Variants in ZNF160 observed in about 807,000 individuals in gnomAD.
ZNF160 encodes KRAB zinc finger protein KR18.
In ZNF160, 9 loss-of-function variants were observed where a neutral mutation model predicts 13.1. That is an observed-to-expected ratio of 0.69 (90% CI 0.41 to 1.20). ZNF160 has a LOEUF of 1.20. ZNF160 is among the 50% of genes most tolerant of loss of function. The pLI, the probability that ZNF160 is intolerant of heterozygous loss-of-function variation, is 0.01. For missense variants in ZNF160, 838 were observed against 988.0 expected (o/e 0.85, Z 2.04); for synonymous variants, 293 against 333.2 (o/e 0.88, Z 1.31).
Position 53,068,457 on chromosome 19 carries a change from C to T in ZNF160, c.2077G>A (p.Ala693Thr), listed in dbSNP as rs781149549. Residue 693 changes from alanine (A) to threonine (T), a missense_variant, in exon 6 of 6, where the codon GCA (alanine) becomes ACA (threonine). By Grantham distance (58) the Ala-to-Thr change is moderately conservative (BLOSUM62 0). Coordinates refer to ENST00000683776, the MANE Select transcript of ZNF160 (RefSeq NM_001322131.2). ...GKVFTQNSHL[A>T]NHQRTHTGEK... is the part of the protein sequence containing the mutation. ...CCGGTGTGAGTCCTTTGATGATTTG[C>T]AAGGTGTGAGTTCTGAGTGAAGACC... 1.9e-6 allele frequency: 3 copies of T among 1,613,770 alleles called. No individual in the cohort carries two copies. In the South Asian group the frequency reaches 3.3e-5, roughly 18 times the overall value.
At chr19:53,083,481 A>G (rs1456883978) in intron 3 of ZNF160, among the ~76,000 whole-genome samples, 1 of 152,256 alleles carries the variant, frequency 6.6e-6, no homozygotes, top group Non-Finnish European at 1.5e-5. Flanking sequence ...ATACCATTTC[A>G]TTTCGTTAAG....
chr19:53,096,595 T>A (rs1271311847), intron 1 of ZNF160, among the ~76,000 whole-genome samples: 1 of 143,180 alleles, frequency 7.0e-6, no homozygotes, highest in Non-Finnish European at 1.5e-5. Flanking sequence ...ATTTCTCACT[T>A]GGCAATGATG....
At chr19:53,088,354 G>T (rs1229716696) in intron 2 of ZNF160, among the ~76,000 whole-genome samples, 1 of 152,060 alleles carries the variant, frequency 6.6e-6, no homozygotes, top group Non-Finnish European at 1.5e-5. Flanking sequence ...CTAGATTCAA[G>T]CAACAATTCA....
intron 4 of ZNF160, among the ~76,000 whole-genome samples, chr19:53,074,669 C>CA (rs55829838): frequency 0.18 from 22,011 of 123,358 alleles, 2,221 homozygotes; most frequent in Non-Finnish European, 0.21. Context: ...GACTCCGCCT[C>CA]AAAAAAAAAA....
intron 3 of ZNF160, among the ~76,000 whole-genome samples, chr19:53,083,902 AGT>A (rs1411302753): frequency 1.3e-5 from 2 of 152,150 alleles, no homozygotes; most frequent in African/African-American, 4.8e-5. Context: ...AGAAAAAGGG[AGT>A]GAGTTATTAT....
At chr19:53,093,641 T>C (rs971515409) in intron 1 of ZNF160, 4 of 152,018 alleles carry the variant, frequency 2.6e-5, no homozygotes, top group African/African-American at 9.7e-5. Flanking sequence ...ACCCCATCTA[T>C]ACAAAAAAAT....
At chr19:53,072,387 T>C (rs546041325) in intron 5 of ZNF160, among the ~76,000 whole-genome samples, 2 of 152,302 alleles carry the variant, frequency 1.3e-5, no homozygotes, top group African/African-American at 2.4e-5. Context: ...GGCGTGAGCC[T>C]CTATACCTGG....
rs1600872833 is a variant in ZNF160, at chr19:53,086,414, C to T, written c.-45-93G>A. On this transcript the variant is annotated intron_variant, in intron 2 of 5. Coordinates refer to ENST00000683776, the MANE Select transcript of ZNF160 (RefSeq NM_001322131.2). ...GAATCTATACATCCCCTTCATGTGC[C>T]ACAGTCACACGCACAGATCTCACCC... The T allele has an allele frequency of 2.7e-6, 3 of 1,125,508 alleles. No individual in the cohort carries two copies. In the East Asian group the frequency reaches 7.5e-5, roughly 28 times the overall value. 69.7% of individuals were successfully genotyped at this position (1,125,508 alleles called of 1,614,324 possible). A position where few individuals can be genotyped will look rare whatever the true frequency, so the allele number is the denominator to read the frequency against.
chr19:53,091,553 A>G lies in ZNF160; in HGVS notation c.-186T>C, dbSNP rs3745178. ...GCCTGAGGGATGAAGTGGGCGGGGG[A>G]CTTGGGGAAAGGGGGCGGTGCCTGC... On this transcript the variant is annotated 5_prime_UTR_variant, in exon 2 of 6. Coordinates refer to ENST00000683776, the MANE Select transcript of ZNF160 (RefSeq NM_001322131.2). The G allele has an allele frequency of 0.35, 52,878 of 151,442 alleles. 9,520 individuals carry two copies. Among genetic ancestry groups the G allele is most frequent in the African/African-American group, 0.39 (15,952 of 41,230 alleles). The allele number at this position is 151,442 out of a possible 1,614,324, so 9.4% of individuals were successfully genotyped here.
Position 53,069,473 on chromosome 19 carries a change from G to C in ZNF160, c.1061C>G (p.Ser354Ter), listed in dbSNP as rs1296509391. The change falls in exon 6 of 6, where the codon TCA becomes TGA. Residue 354 changes from serine (S) to a stop codon, truncating the protein, a stop_gained. Transcript: ENST00000683776. LOFTEE classifies it low-confidence loss of function (END_TRUNC). The surrounding 1 kb of genome is among the most constrained non-coding windows in gnomAD (Gnocchi z 4.4). ...AATTAACTGATGGGTAGTTAGGTTT[G>C]AATGTCCTCTAAAGGCTTTTCCACA... ...NECGKAFRGH[S>*]NLTTHQLIHT... 1 of 1,614,004 alleles carries C rather than the reference G, an allele frequency of 6.2e-7. No homozygotes were observed. Among genetic ancestry groups the C allele is most frequent in the Non-Finnish European group, 8.5e-7 (1 of 1,180,044 alleles).
At chr19:53,083,028 A>G (rs1228311700) in intron 3 of ZNF160, among the ~76,000 whole-genome samples, 1 of 152,232 alleles carries the variant, frequency 6.6e-6, no homozygotes, top group African/African-American at 2.4e-5. Flanking sequence ...ATACATATGA[A>G]GAGATGCATA....
intron 3 of ZNF160, among the ~76,000 whole-genome samples, chr19:53,084,301 G>A (rs1319825179): frequency 1.3e-5 from 2 of 152,208 alleles, no homozygotes; most frequent in South Asian, 2.1e-4. Context: ...TGCCAAGCCC[G>A]CCTTTTAAAA....
At chr19:53,089,816 GCT>G (rs1568498847) in intron 2 of ZNF160, among the ~76,000 whole-genome samples, 1 of 151,366 alleles carries the variant, frequency 6.6e-6, no homozygotes, top group Non-Finnish European at 1.5e-5. Flanking sequence ...TCCCTCCCTG[GCT>G]CTTTTTTTCC....
intron 3 of ZNF160, among the ~76,000 whole-genome samples, chr19:53,081,903 T>C (rs1474559874): frequency 6.6e-6 from 1 of 152,170 alleles, no homozygotes; most frequent in East Asian, 1.9e-4. Context: ...AAAGAAAATA[T>C]AGTAGACATA....
Position 53,100,471 on chromosome 19 carries a change from G to A in ZNF160, c.-354+2794C>T, listed in dbSNP as rs1271889329. On this transcript the variant is annotated intron_variant, in intron 1 of 5. Coordinates refer to ENST00000683776, the MANE Select transcript of ZNF160 (RefSeq NM_001322131.2). ...TAAAAATACAAAAAATTTGCCGGGC[G>A]TGGTGGCGGCTGCCTGTAGTCCCAA... Among the ~76,000 whole-genome samples the A allele has an allele frequency of 5.3e-5, 8 of 152,096 alleles. 1 individual carries two copies. Among genetic ancestry groups the A allele is most frequent in the Admixed American group, 3.3e-4 (5 of 15,268 alleles).
At chr19:53,082,280 A>T (rs1036164732) in intron 3 of ZNF160, among the ~76,000 whole-genome samples, 3 of 152,216 alleles carry the variant, frequency 2.0e-5, no homozygotes, top group African/African-American at 7.2e-5. Context: ...TTTAAAATGA[A>T]TCAAATAAAA....
At chr19:53,095,027 T>G (rs527910921) in intron 1 of ZNF160, among the ~76,000 whole-genome samples, 2 of 142,572 alleles carry the variant, frequency 1.4e-5, no homozygotes, top group Admixed American at 1.4e-4. Flanking sequence ...CCAGGGCGAC[T>G]TTTACCCTTC....
In ZNF160 at chr19:53,071,539, C is replaced by CAA. The variant is rs56799856; in HGVS notation, c.272-1279_272-1278dup. On this transcript the variant is annotated intron_variant, in intron 5 of 5. Coordinates refer to ENST00000683776, the MANE Select transcript of ZNF160 (RefSeq NM_001322131.2). ...CAACAAGAGCAAAACTCCGTCTCAT[C>CAA]AAAAAAAAAAAAAAAAAAAAGGCTG... Among the ~76,000 whole-genome samples, 244 of 58,714 alleles carry CAA rather than the reference C, an allele frequency of 4.2e-3. 3 individuals carry two copies. The highest frequency in any genetic ancestry group is 0.011 in the African/African-American group (161 of 14,696). The allele number at this position is 58,714 out of a possible 152,430, so 38.5% of individuals were successfully genotyped here. A position where few individuals can be genotyped will look rare whatever the true frequency, so the allele number is the denominator to read the frequency against.
intron 5 of ZNF160, chr19:53,073,370 C>A: frequency 6.3e-7 from 1 of 1,598,360 alleles, no homozygotes; most frequent in Non-Finnish European, 8.5e-7. Flanking sequence ...TATCACACAC[C>A]CCCATGAAAG....
Sources: gnomAD v4.1 joint callset for allele counts (sites outside exome capture counted in the v4.1 genomes callset) on GRCh38, gnomAD v4.1.1 for gene constraint, Gnocchi (gnomAD v3.1) non-coding constraint, MANE v1.5 for transcripts, NCBI Gene and HGNC (gene_info 2026-07-23, HGNC 2026-07-21) for gene names.